ADAM19: variants seen among roughly 807,000 people sequenced by gnomAD.
The protein encoded by ADAM19 is disintegrin and metalloproteinase domain-containing protein 19.
A neutral mutation model predicts 114.7 loss-of-function variants in ADAM19; 65 were observed. That is an observed-to-expected ratio of 0.57 (90% CI 0.46 to 0.70). The LOEUF (loss-of-function observed/expected upper bound fraction) is 0.70, where lower values mean the gene tolerates loss of function less well. ADAM19 is among the 30% of genes least tolerant of loss of function. The pLI is 0.00. For missense variants in ADAM19, 1,063 were observed against 1,204.7 expected (o/e 0.88, Z 1.74); for synonymous variants, 466 against 460.5 (o/e 1.01, Z -0.15).
At chr5:157,490,522 T>G in intron 18 of ADAM19, 68 bp from the exon 19 acceptor site, 1 of 1,543,982 alleles carries the variant, frequency 6.5e-7, no homozygotes, top group South Asian at 1.2e-5. Context: ...TCAAAATAGG[T>G]ATTCGTGCTT....
At chr5:157,551,907 A>C (rs571451869) in intron 3 of ADAM19, among the ~76,000 whole-genome samples, 17 of 152,268 alleles carry the variant, frequency 1.1e-4, no homozygotes, top group East Asian at 7.7e-4. Context: ...TAATCCCAGC[A>C]CTTTGGGATG....
At chr5:157,555,095 T>C (rs1757329992) in intron 3 of ADAM19, among the ~76,000 whole-genome samples, 4 of 152,190 alleles carry the variant, frequency 2.6e-5, no homozygotes. Flanking sequence ...CTGCCCCAGT[T>C]AAAAGCCTGG....
At chr5:157,524,382 T>C (rs1270430846) in intron 5 of ADAM19, among the ~76,000 whole-genome samples, 3 of 152,198 alleles carry the variant, frequency 2.0e-5, no homozygotes, top group Admixed American at 6.5e-5. Flanking sequence ...AATGAAATTG[T>C]ATAGGAAAAC....
intron 3 of ADAM19, among the ~76,000 whole-genome samples, chr5:157,548,810 C>G (rs1757114108): frequency 6.6e-6 from 1 of 152,188 alleles, no homozygotes; most frequent in Non-Finnish European, 1.5e-5. Context: ...TGCCCAACCA[C>G]AAAGGGTAAA....
In ADAM19 at chr5:157,488,274, G is replaced by T. The variant is rs145311543; in HGVS notation, c.2541C>A (p.Ile847=). 5 of 1,612,320 alleles carry T rather than the reference G, an allele frequency of 3.1e-6. No homozygotes were observed. In the South Asian group the frequency reaches 4.4e-5, roughly 14 times the overall value. ...CTGATTATCCACTTACCTGGGAAAC[G>T]ATGCAATTTGGTGCGGGGGGAATTG... The part of the protein sequence containing the change: ...SRPIPPAPNC[I]VSQDFSRPRP... The change falls in exon 21 of 23, where the codon ATC becomes ATA. Residue 847 remains isoleucine, a synonymous_variant. Transcript: ENST00000257527.
intron 1 of ADAM19, among the ~76,000 whole-genome samples, chr5:157,574,114 G>T (rs1427491188): frequency 6.6e-6 from 1 of 152,146 alleles, no homozygotes; most frequent in East Asian, 1.9e-4. Flanking sequence ...TTATGGGTAT[G>T]GTTCCAATTT....
At chr5:157,532,061 A>G (rs1756640359) in intron 4 of ADAM19, among the ~76,000 whole-genome samples, 1 of 152,222 alleles carries the variant, frequency 6.6e-6, no homozygotes, top group East Asian at 1.9e-4. Flanking sequence ...TCCACAGCTC[A>G]AGATGCTCTT....
intron 4 of ADAM19, among the ~76,000 whole-genome samples, chr5:157,532,048 T>C (rs1012332817): frequency 2.0e-5 from 3 of 152,222 alleles, no homozygotes; most frequent in Non-Finnish European, 4.4e-5. Context: ...CACTCCCTAC[T>C]CTTCCACAGC....
At chr5:157,573,704 C>A (rs891553178) in intron 1 of ADAM19, among the ~76,000 whole-genome samples, 1 of 151,232 alleles carries the variant, frequency 6.6e-6, no homozygotes, top group African/African-American at 2.4e-5. Context: ...CCAGATCGTG[C>A]CACTGCATGC....
chr5:157,561,924 A>AT (rs767216951), intron 3 of ADAM19, among the ~76,000 whole-genome samples: 2 of 151,172 alleles, frequency 1.3e-5, no homozygotes, highest in Non-Finnish European at 2.9e-5. Flanking sequence ...AGGCACGTAG[A>AT]TTAAAAAAAA....
In ADAM19 at chr5:157,550,916, G is replaced by A. The variant is rs561922124; in HGVS notation, c.252-12925C>T. 6.6e-5 allele frequency among the ~76,000 whole-genome samples: 10 copies of A among 152,244 alleles called. No homozygotes were observed. The South Asian group carries it at 8.3e-4, about 13-fold the overall frequency. On this transcript the variant is annotated intron_variant, in intron 3 of 22. Coordinates refer to ENST00000257527, the MANE Select transcript of ADAM19 (RefSeq NM_033274.5). ...TACCATCATTCTCTCTACTCTGCAC[G>A]TTTGATAATTTTTCACTATAAGAAG...
chr5:157,496,410 T>C (rs755821748), intron 14 of ADAM19, among the ~76,000 whole-genome samples: 1 of 152,222 alleles, frequency 6.6e-6, no homozygotes, highest in Non-Finnish European at 1.5e-5. Flanking sequence ...TTTCTAAGTA[T>C]ATCTCCAAAT....
chr5:157,510,128 C>T (rs889955746), intron 8 of ADAM19, among the ~76,000 whole-genome samples: 2 of 152,088 alleles, frequency 1.3e-5, no homozygotes, highest in African/African-American at 2.4e-5. Flanking sequence ...ACCATAATAC[C>T]CATCTATTTT....
intron 1 of ADAM19, 129 bp downstream of exon 1, chr5:157,575,474 C>T: frequency 4.8e-6 from 3 of 621,380 alleles, no homozygotes; most frequent in Non-Finnish European, 7.4e-6. Flanking sequence ...AGGCTGGGGA[C>T]GGCGGGGGCG....
rs150381064 is a variant in ADAM19 at position 157,488,432 on chromosome 5, G to C, written c.2383C>G (p.Pro795Ala). Residue 795 changes from proline (P) to alanine (A), a missense_variant, in exon 21 of 23, where the codon CCA becomes GCA. Physicochemically the swap from Pro to Ala is conservative, Grantham distance 27 (BLOSUM62 -1). This residue lies in a region of ADAM19 where 424 missense variants were observed against 445.5 expected (regional missense o/e 0.95). Transcript: ENST00000257527. ...GGGGACCCACCACGCAGATAATCTG[G>C]AGGGGGCCGGGGAGGAGGCTGGGAG... ...KPSQPPPRPP[P>A]DYLRGGSPPA... 5.6e-6 allele frequency: 9 copies of C among 1,612,996 alleles called. No homozygotes were observed. The highest frequency in any genetic ancestry group is 7.6e-6 in the Non-Finnish European group (9 of 1,179,260).
At chr5:157,564,892 T>C (rs1232566346) in intron 2 of ADAM19, among the ~76,000 whole-genome samples, 1 of 152,098 alleles carries the variant, frequency 6.6e-6, no homozygotes, top group Admixed American at 6.5e-5. Flanking sequence ...CTTGTAAGGA[T>C]TGAGTGAGAT....
chr5:157,524,297 GC>G (rs1322692258), intron 5 of ADAM19, among the ~76,000 whole-genome samples: 1 of 152,242 alleles, frequency 6.6e-6, no homozygotes, highest in East Asian at 1.9e-4. Context: ...GGCCCAGGAG[GC>G]TGGGTGGCCA....
At chr5:157,517,131 GCTAACATCCAGTGACTAA>G (rs1756114975) in intron 7 of ADAM19, among the ~76,000 whole-genome samples, 1 of 152,190 alleles carries the variant, frequency 6.6e-6, no homozygotes, top group Admixed American at 6.5e-5. Flanking sequence ...TCCTTCTGCT[GCTAACATCCAGTGACTAA>G]CACTCAAAGA....
At chr5:157,530,441 G>A (rs931706126) in intron 5 of ADAM19, among the ~76,000 whole-genome samples, 6 of 152,154 alleles carry the variant, frequency 3.9e-5, no homozygotes, top group African/African-American at 1.2e-4. Flanking sequence ...CCCTCTGCCC[G>A]CTGACCAACC....
Sources: gnomAD v4.1 joint callset for allele counts (sites outside exome capture counted in the v4.1 genomes callset) on GRCh38, gnomAD v4.1.1 for gene constraint, gnomAD v4.1.1 regional missense constraint, MANE v1.5 for transcripts, NCBI Gene and HGNC (gene_info 2026-07-23, HGNC 2026-07-21) for gene names.